TRPM3: variants seen among roughly 807,000 people sequenced by gnomAD.
TRPM3 encodes the protein long transient receptor potential channel 3.
Under a neutral mutation model 181.2 loss-of-function variants are expected in TRPM3, and 77 were observed. The observed-to-expected ratio is 0.42, with a 90% CI of 0.35 to 0.51. TRPM3 has a LOEUF of 0.51. TRPM3 is among the 20% of genes least tolerant of loss of function. The pLI, the probability that TRPM3 is intolerant of heterozygous loss-of-function variation, is 0.01. For missense variants in TRPM3, 1,759 were observed against 2,196.7 expected (o/e 0.80, Z 3.98); for synonymous variants, 745 against 796.4 (o/e 0.94, Z 1.09).
chr9:70,845,238 C>T (rs757537899), intron 4 of TRPM3, among the ~76,000 whole-genome samples: 4 of 151,988 alleles, frequency 2.6e-5, no homozygotes, highest in South Asian at 4.1e-4. Flanking sequence ...ATTAAGATAA[C>T]GTGTTATTTT....
intron 7 of TRPM3, among the ~76,000 whole-genome samples, chr9:70,764,741 A>C (rs1462159211): frequency 1.3e-5 from 2 of 152,208 alleles, no homozygotes; most frequent in African/African-American, 2.4e-5. Flanking sequence ...GATTTGATCC[A>C]TTCAAAGCAT....
At chr9:71,399,530 T>C (rs939632747) in intron 1 of TRPM3, among the ~76,000 whole-genome samples, 3 of 126,176 alleles carry the variant, frequency 2.4e-5, no homozygotes, top group Non-Finnish European at 4.9e-5. Context: ...TCTTTTGTTT[T>C]TTTTTTTTTT....
intron 1 of TRPM3, among the ~76,000 whole-genome samples, chr9:71,095,768 AAAAAAAAAAAG>A (rs1178310522): frequency 5.7e-4 from 86 of 151,460 alleles, no homozygotes; most frequent in Admixed American, 1.1e-3. Flanking sequence ...CAAAAAAAAA[AAAAAAAAAAAG>A]AAAGAAAGAA....
At chr9:70,893,989 AT>A (rs1411854810) in intron 1 of TRPM3, among the ~76,000 whole-genome samples, 1 of 152,182 alleles carries the variant, frequency 6.6e-6, no homozygotes, top group Admixed American at 6.5e-5. Flanking sequence ...TACTCCACAT[AT>A]GGGAAATAGC....
intron 1 of TRPM3, among the ~76,000 whole-genome samples, chr9:71,117,606 T>C (rs991660146): frequency 6.6e-6 from 1 of 152,036 alleles, no homozygotes; most frequent in Non-Finnish European, 1.5e-5. Context: ...GATTAAGTAA[T>C]TTGCCCAAGG....
At chr9:71,005,366 A>G (rs1318380481) in intron 1 of TRPM3, among the ~76,000 whole-genome samples, 3 of 152,020 alleles carry the variant, frequency 2.0e-5, no homozygotes, top group Non-Finnish European at 4.4e-5. Context: ...AGATCGCACC[A>G]TTGTACTCTA....
At chr9:71,355,057 G>A (rs535807956) in intron 1 of TRPM3, among the ~76,000 whole-genome samples, 8 of 152,242 alleles carry the variant, frequency 5.3e-5, no homozygotes, top group East Asian at 1.9e-4. Context: ...AAGTGTCTCC[G>A]TTTCAAATGT....
intron 1 of TRPM3, among the ~76,000 whole-genome samples, chr9:71,336,828 A>G (rs2090589332): frequency 2.6e-5 from 4 of 152,152 alleles, no homozygotes; most frequent in African/African-American, 7.2e-5. Context: ...TCTTTGACAA[A>G]CCTGACAAAA....
chr9:71,292,363 TGA>T (rs971870222), intron 1 of TRPM3, among the ~76,000 whole-genome samples: 2 of 151,936 alleles, frequency 1.3e-5, no homozygotes, highest in African/African-American at 2.4e-5. Flanking sequence ...AAAGAAGATG[TGA>T]GAGAATTAAC....
At chr9:71,417,928 ATTTTTTT>A (rs1226898748) in intron 1 of TRPM3, among the ~76,000 whole-genome samples, 1 of 151,950 alleles carries the variant, frequency 6.6e-6, no homozygotes, top group African/African-American at 2.4e-5. Flanking sequence ...ATGGAAATAA[ATTTTTTT>A]AAGTTGATGA....
chr9:70,806,898 T>C (rs1381242072), intron 6 of TRPM3, among the ~76,000 whole-genome samples: 1 of 152,066 alleles, frequency 6.6e-6, no homozygotes, highest in African/African-American at 2.4e-5. Context: ...TAATTATAAA[T>C]CCTAAGAAGG....
chr9:71,080,395 A>G (rs577340530), intron 1 of TRPM3, among the ~76,000 whole-genome samples: 2 of 152,178 alleles, frequency 1.3e-5, no homozygotes, highest in African/African-American at 2.4e-5. Flanking sequence ...ACAAAGGGCC[A>G]GTTTCAAGGG....
intron 22 of TRPM3, among the ~76,000 whole-genome samples, chr9:70,574,092 G>GCGCACACACACA (rs961733949): frequency 1.7e-5 from 2 of 119,086 alleles, no homozygotes; most frequent in African/African-American, 5.6e-5. Flanking sequence ...ACACGCGCGC[G>GCGCACACACACA]CACACACACA....
chr9:71,093,514 A>C (rs1001164243), intron 1 of TRPM3, among the ~76,000 whole-genome samples: 5 of 152,238 alleles, frequency 3.3e-5, no homozygotes, highest in African/African-American at 1.2e-4. Flanking sequence ...CATTAGTGAA[A>C]TACAAATCAA....
chr9:70,895,893 C>G (rs1486556334), intron 1 of TRPM3, among the ~76,000 whole-genome samples: 1 of 152,110 alleles, frequency 6.6e-6, no homozygotes, highest in Non-Finnish European at 1.5e-5. Context: ...TATTAGATAA[C>G]TCTAAATTAG....
At chr9:70,685,706 C>A (rs1364981097) in intron 8 of TRPM3, among the ~76,000 whole-genome samples, 1 of 152,122 alleles carries the variant, frequency 6.6e-6, no homozygotes, top group Non-Finnish European at 1.5e-5. Flanking sequence ...CATGCCTGGC[C>A]CAATATTATT....
rs1341423270 is a variant in TRPM3, at chr9:71,279,315, A to G, written c.183+167338T>C. Among the ~76,000 whole-genome samples, 6 of 152,154 alleles carry G rather than the reference A, an allele frequency of 3.9e-5. No individual in the cohort carries two copies. The South Asian group carries it at 6.2e-4, about 16-fold the overall frequency. On this transcript the variant is annotated intron_variant, in intron 1 of 24. Coordinates refer to the TRPM3 transcript ENST00000357533. ...ATATACTATGAAAAAAAAATCTCCAAATACGGATAGTTACACAACGGAGCT... is the reference window on the plus strand; with the variant it reads ...ATATACTATGAAAAAAAAATCTCCAGATACGGATAGTTACACAACGGAGCT...
chr9:70,880,275 C>T (rs2095963403), intron 1 of TRPM3, among the ~76,000 whole-genome samples: 1 of 151,938 alleles, frequency 6.6e-6, no homozygotes, highest in Admixed American at 6.6e-5. Flanking sequence ...GTATAATTGC[C>T]CATCAATTAT....
At chr9:71,308,823 C>G (rs1448345232) in intron 1 of TRPM3, among the ~76,000 whole-genome samples, 1 of 144,980 alleles carries the variant, frequency 6.9e-6, no homozygotes, top group Non-Finnish European at 1.6e-5. Context: ...GAGATTATGA[C>G]AACAATTCTA....
Sources: allele counts gnomAD v4.1 joint callset (sites outside exome capture counted in the v4.1 genomes callset), GRCh38; gene constraint gnomAD v4.1.1; transcripts MANE v1.5; gene names NCBI Gene and HGNC (gene_info 2026-07-23, HGNC 2026-07-21).